The following DSCAM variants were observed in gnomAD, a reference collection of about 807,000 sequenced individuals.
DSCAM encodes DS cell adhesion molecule, also known as cell adhesion molecule DSCAM.
In DSCAM, 47 loss-of-function variants were observed where a neutral mutation model predicts 217.7. The ratio of observed to expected loss-of-function variants is 0.22; its 90% CI spans 0.17 to 0.28. The LOEUF is 0.28. Ranked by LOEUF, DSCAM falls within the 10% of genes least tolerant of loss-of-function variation. DSCAM has a pLI of 1.00. For missense variants in DSCAM, 2,080 were observed against 2,618.3 expected, an observed-to-expected ratio of 0.79 and a Z score of 4.49; for synonymous variants, 1,056 against 1,015.3, an observed-to-expected ratio of 1.04 and a Z score of -0.76.
chr21:40,077,496 C>G (rs2089383493), intron 26 of DSCAM, among the ~76,000 whole-genome samples: 1 of 152,208 alleles, frequency 6.6e-6, no homozygotes, highest in African/African-American at 2.4e-5. Flanking sequence ...AGCCACTCTT[C>G]TTAGGATGGC....
chr21:40,742,933 T>C lies in DSCAM; in HGVS notation c.44-34162A>G, dbSNP rs548299740. ...TACAATTATCAAAAAAGTTAAGCAG[T>C]ATCCCCTAAATTACCCACCTGGCAA... is the stretch of plus-strand genomic sequence containing the variant. On this transcript the variant is annotated intron_variant, in intron 1 of 32. Transcript: ENST00000400454. 4.6e-5 allele frequency among the ~76,000 whole-genome samples: 7 copies of C among 152,340 alleles called. No individual in the cohort carries two copies. The South Asian group carries it at 1.2e-3, about 27-fold the overall frequency.
At chr21:40,207,925 T>A (rs535877684) in intron 11 of DSCAM, among the ~76,000 whole-genome samples, 2 of 152,148 alleles carry the variant, frequency 1.3e-5, no homozygotes, top group Non-Finnish European at 2.9e-5. Context: ...AGGACACCAG[T>A]CAGATTAGAT....
At chr21:40,670,520 G>A (rs910054332) in intron 3 of DSCAM, among the ~76,000 whole-genome samples, 2 of 137,064 alleles carry the variant, frequency 1.5e-5, no homozygotes, top group African/African-American at 2.7e-5. Context: ...CCTGGTGACA[G>A]AGCGAGACTC....
In DSCAM at chr21:40,546,251, G is replaced by C. The variant is rs144742019; in HGVS notation, c.508+146559C>G. Among the ~76,000 whole-genome samples the C allele has an allele frequency of 2.0e-3, 300 of 152,296 alleles. 4 individuals carry two copies. The highest frequency in any genetic ancestry group is 7.1e-3 in the African/African-American group (296 of 41,568). On this transcript the variant is annotated intron_variant, in intron 3 of 32. Transcript: ENST00000400454. ...AGTAGGAAGCTGTGCAGGAGAGCTG[G>C]GGGTCCACACACTCAGGGTAGCTGT...
chr21:40,740,861 GA>G (rs1372867842), intron 1 of DSCAM, among the ~76,000 whole-genome samples: 1 of 152,202 alleles, frequency 6.6e-6, no homozygotes, highest in Non-Finnish European at 1.5e-5. Flanking sequence ...GGAAGTAACA[GA>G]AGTTGATAAT....
Position 40,489,788 on chromosome 21 carries a change from A to AAG in DSCAM, c.509-120544_509-120543insCT, listed in dbSNP as rs1555844929. Among the ~76,000 whole-genome samples the AAG allele has an allele frequency of 1.8e-3, 271 of 150,354 alleles. 1 individual carries two copies. The highest frequency in any genetic ancestry group is 6.2e-3 in the African/African-American group (256 of 40,980). On this transcript the variant is annotated intron_variant, in intron 3 of 32. Transcript: ENST00000400454. Reference sequence around the variant, plus strand: ...AGACTCCGTCTCAAAAAAAAAAAAAAAAAAAAAAAAAAATAAGTACCATTG... The same window carrying AAG: ...AGACTCCGTCTCAAAAAAAAAAAAAAAGAAAAAAAAAAAAATAAGTACCATTG...
intron 1 of DSCAM, among the ~76,000 whole-genome samples, chr21:40,721,627 G>A (rs1351863566): frequency 6.6e-6 from 1 of 151,948 alleles, no homozygotes; most frequent in African/African-American, 2.4e-5. Context: ...TACCCAAATT[G>A]AAAAACAAAC....
chr21:40,812,454 C>G lies in DSCAM; in HGVS notation c.43+34165G>C, dbSNP rs144375477. 2.6e-5 allele frequency among the ~76,000 whole-genome samples: 4 copies of G among 152,284 alleles called. No individual in the cohort carries two copies. In the East Asian group the frequency reaches 7.7e-4, roughly 29 times the overall value. On this transcript the variant is annotated intron_variant, in intron 1 of 32. Transcript: ENST00000400454. ...GTGACCCCTGAGCCACAGCTCTCAT[C>G]AAGAAATCACACCATGGCTCCCAAG...
intron 1 of DSCAM, among the ~76,000 whole-genome samples, chr21:40,777,452 T>A (rs546219160): frequency 2.6e-5 from 4 of 152,100 alleles, no homozygotes; most frequent in African/African-American, 9.7e-5. Context: ...TCAACAGCCA[T>A]CAGATATTCA....
At chr21:40,085,997 C>T (rs1465528414) in intron 22 of DSCAM, among the ~76,000 whole-genome samples, 2 of 152,170 alleles carry the variant, frequency 1.3e-5, no homozygotes, top group Non-Finnish European at 2.9e-5. Context: ...GTGTCAAGGG[C>T]CCAGATTCTG....
chr21:40,086,321 C>T (rs2089531553), intron 22 of DSCAM, among the ~76,000 whole-genome samples: 1 of 152,202 alleles, frequency 6.6e-6, no homozygotes, highest in Non-Finnish European at 1.5e-5. Flanking sequence ...ATTGTCCAGT[C>T]CTTTGGGGTC....
intron 11 of DSCAM, among the ~76,000 whole-genome samples, chr21:40,211,850 T>A (rs537903869): frequency 6.6e-6 from 1 of 152,302 alleles, no homozygotes; most frequent in East Asian, 1.9e-4. Flanking sequence ...TGTAAACTGC[T>A]TGAGGTTAAA....
At chr21:40,401,599 G>A (rs1197733238) in intron 3 of DSCAM, among the ~76,000 whole-genome samples, 3 of 152,176 alleles carry the variant, frequency 2.0e-5, no homozygotes, top group Non-Finnish European at 4.4e-5. Flanking sequence ...TCCCTAAAGG[G>A]TCTTGGAGAC....
At chr21:40,739,951 G>A (rs1445886698) in intron 1 of DSCAM, among the ~76,000 whole-genome samples, 1 of 117,070 alleles carries the variant, frequency 8.5e-6, no homozygotes, top group East Asian at 2.8e-4. Context: ...TGATGCAGGT[G>A]TAATTTTTTT....
At chr21:40,230,073 A>G (rs1295392330) in intron 11 of DSCAM, among the ~76,000 whole-genome samples, 3 of 152,260 alleles carry the variant, frequency 2.0e-5, no homozygotes, top group Admixed American at 6.5e-5. Context: ...TAACTTGCAT[A>G]TTCCTAATGA....
intron 3 of DSCAM, among the ~76,000 whole-genome samples, chr21:40,573,774 G>T (rs950479110): frequency 1.3e-5 from 2 of 151,986 alleles, no homozygotes; most frequent in Non-Finnish European, 2.9e-5. Flanking sequence ...AAAATGAAAA[G>T]AATCTATATC....
chr21:40,706,630 C>A (rs2090720665), intron 2 of DSCAM, among the ~76,000 whole-genome samples: 1 of 152,182 alleles, frequency 6.6e-6, no homozygotes, highest in Non-Finnish European at 1.5e-5. Flanking sequence ...AGTGAGCAGT[C>A]ATCACCCTCA....
chr21:40,263,359 T>A (rs375571520), intron 11 of DSCAM, among the ~76,000 whole-genome samples: 1 of 152,142 alleles, frequency 6.6e-6, no homozygotes, highest in Non-Finnish European at 1.5e-5. Flanking sequence ...ATATCAAGTA[T>A]CTTCTCAGAC....
intron 1 of DSCAM, among the ~76,000 whole-genome samples, chr21:40,726,962 C>A (rs1362906934): frequency 1.3e-5 from 2 of 152,120 alleles, no homozygotes; most frequent in African/African-American, 4.8e-5. Context: ...TTCTCTGAGT[C>A]CCCATCAGCA....
Sources: allele counts gnomAD v4.1 joint callset (sites outside exome capture counted in the v4.1 genomes callset), GRCh38; gene constraint gnomAD v4.1.1; transcripts MANE v1.5; gene names NCBI Gene and HGNC (gene_info 2026-07-23, HGNC 2026-07-21).